DNAH3: variants seen among roughly 807,000 people sequenced by gnomAD.
DNAH3 encodes the protein axonemal beta dynein heavy chain 3.
Under a neutral mutation model 432.5 loss-of-function variants are expected in DNAH3, and 332 were observed. The ratio of observed to expected loss-of-function variants is 0.77; its 90% CI spans 0.70 to 0.84. The LOEUF (loss-of-function observed/expected upper bound fraction) is 0.84. DNAH3 is among the 40% of genes least tolerant of loss of function. The probability of loss-of-function intolerance (pLI) is 0.00; values close to 1 mark genes in which losing one functional copy is unlikely to be tolerated. For missense variants in DNAH3, 4,861 were observed against 5,114.0 expected, an observed-to-expected ratio of 0.95 and a Z score of 1.51; for synonymous variants, 1,956 against 1,900.2, an observed-to-expected ratio of 1.03 and a Z score of -0.76.
At chr16:21,144,199 G>A (rs551474255) in intron 3 of DNAH3, among the ~76,000 whole-genome samples, 16 of 152,208 alleles carry the variant, frequency 1.1e-4, no homozygotes, top group African/African-American at 3.1e-4. Flanking sequence ...CCTTTGTGGT[G>A]TAATCCTCTC....
chr16:21,132,457 C>T (rs948973583), intron 7 of DNAH3, among the ~76,000 whole-genome samples: 1 of 152,150 alleles, frequency 6.6e-6, no homozygotes, highest in Non-Finnish European at 1.5e-5. Context: ...TCTTGAAGGG[C>T]TCACTAAAAA....
chr16:20,934,690 C>T (rs903720774), intron 61 of DNAH3, among the ~76,000 whole-genome samples: 8 of 152,048 alleles, frequency 5.3e-5, no homozygotes, highest in African/African-American at 1.9e-4. Flanking sequence ...TTAATCACTT[C>T]GGATTTCTAG....
intron 56 of DNAH3, among the ~76,000 whole-genome samples, chr16:20,951,169 T>C (rs2084292282): frequency 6.6e-6 from 1 of 152,134 alleles, no homozygotes; most frequent in Non-Finnish European, 1.5e-5. Context: ...GTACATATCG[T>C]GGACTAATAA....
At position 20,988,631 on chromosome 16, in the gene DNAH3, C is replaced by G. The variant is rs570309011; in HGVS notation, c.6602-566G>C. On this transcript the variant is annotated intron_variant, in intron 44 of 61. Coordinates refer to ENST00000261383, the Ensembl canonical transcript of DNAH3. ...CAAGAATGTTTTTAAAAGATAAAGGCAATACATGATCATTGTAAAAGAGTC... is the reference window on the plus strand; with the variant it reads ...CAAGAATGTTTTTAAAAGATAAAGGGAATACATGATCATTGTAAAAGAGTC... 8.5e-5 allele frequency among the ~76,000 whole-genome samples: 13 copies of G among 152,294 alleles called. No homozygotes were observed. In the South Asian group the frequency reaches 2.7e-3, roughly 32 times the overall value.
In DNAH3 at chr16:21,037,942, G is replaced by A. The variant is rs200739265; in HGVS notation, c.4769C>T (p.Ser1590Leu). Reference sequence around the variant, plus strand: ...GTGATGCTGAGAGGACAGTTGTTCCGAGCACAGGCGGTAGGTCGCAACGAT... The same window carrying A: ...GTGATGCTGAGAGGACAGTTGTTCCAAGCACAGGCGGTAGGTCGCAACGAT... The change falls in exon 34 of 62, where the codon TCG (serine) becomes TTG (leucine). Residue 1590 changes from serine (S) to leucine (L), a missense_variant. Ser to Leu is a moderately radical substitution (Grantham distance 145, BLOSUM62 -2). Coordinates refer to ENST00000261383, the Ensembl canonical transcript of DNAH3. The A allele has an allele frequency of 1.2e-4, 190 of 1,614,028 alleles. No individual in the cohort carries two copies. The highest frequency in any genetic ancestry group is 1.5e-4 in the Non-Finnish European group (173 of 1,180,040).
At chr16:21,157,892 A>G (rs1051816010) in intron 1 of DNAH3, among the ~76,000 whole-genome samples, 1 of 140,678 alleles carries the variant, frequency 7.1e-6, no homozygotes, top group African/African-American at 2.7e-5. Flanking sequence ...ACATTTGGCA[A>G]TATTTTGAGA....
At chr16:21,069,658 G>C in intron 22 of DNAH3, 64 bp from the exon 23 acceptor site, 1 of 1,365,094 alleles carries the variant, frequency 7.3e-7, no homozygotes, top group Non-Finnish European at 1.0e-6. Context: ...GGCCCATGGA[G>C]AGAGCAAATG....
intron 1 of DNAH3, among the ~76,000 whole-genome samples, chr16:21,156,162 CTTATT>C (rs150133557): frequency 0.42 from 60,775 of 144,546 alleles, 13,224 homozygotes; most frequent in Middle Eastern, 0.49. Flanking sequence ...GGGAGTTATT[CTTATT>C]TTATTTTATT....
chr16:21,045,435 C>A (rs2152737856), intron 31 of DNAH3, among the ~76,000 whole-genome samples: 2 of 149,816 alleles, frequency 1.3e-5, no homozygotes, highest in African/African-American at 4.9e-5. Context: ...TTATCCATTT[C>A]TTCTAGATTT....
intron 51 of DNAH3, among the ~76,000 whole-genome samples, chr16:20,970,932 A>C (rs1354647447): frequency 7.2e-6 from 1 of 139,478 alleles, no homozygotes; most frequent in Admixed American, 8.0e-5. Flanking sequence ...CAGCGGTGCT[A>C]TCTCGGCTCA....
At position 21,016,112 on chromosome 16, in the gene DNAH3, A is replaced by G. The variant is rs116693604; in HGVS notation, c.6022+3512T>C. On this transcript the variant is annotated intron_variant, in intron 41 of 61. Transcript: ENST00000261383. ...CCGAGATATGATTTTCATATTTCAA[A>G]TTGCTTGAGATTTTGAAAAGGCAAT... Among the ~76,000 whole-genome samples, 331 of 152,278 alleles carry G rather than the reference A, an allele frequency of 2.2e-3. 1 individual carries two copies. The highest frequency in any genetic ancestry group is 7.6e-3 in the African/African-American group (314 of 41,576).
Position 20,933,190 on chromosome 16 carries a change from G to A in DNAH3, c.12315C>T (p.Asn4105=), listed in dbSNP as rs2083469823. ...GCTGGCACAGTGAGGCCACCCCTCG[G>A]TTTATCCAGTGCTTCTGGGGCATGT... Residue 4105 remains asparagine, a synonymous_variant, in exon 62 of 62, where the codon AAC becomes AAT. Coordinates refer to ENST00000261383, the Ensembl canonical transcript of DNAH3. The A allele has an allele frequency of 3.1e-6, 5 of 1,614,082 alleles. 1 individual carries two copies. The Admixed American group carries it at 8.3e-5, about 27-fold the overall frequency.
intron 44 of DNAH3, among the ~76,000 whole-genome samples, chr16:20,994,900 G>A (rs962333168): frequency 1.3e-4 from 19 of 151,198 alleles, no homozygotes; most frequent in East Asian, 5.8e-4. Flanking sequence ...ATTATTTGCC[G>A]TGTTTATTCT....
At position 21,141,384 on chromosome 16, in the gene DNAH3, G is replaced by A; in HGVS notation, c.449-12C>T. The A allele has an allele frequency of 6.3e-7, 1 of 1,577,948 alleles. No homozygotes were observed. The highest frequency in any genetic ancestry group is 8.6e-7 in the Non-Finnish European group (1 of 1,157,536). On this transcript the variant is annotated splice_polypyrimidine_tract_variant and intron_variant, in intron 3 of 61. Transcript: ENST00000261383. Reference sequence around the variant, plus strand: ...TGAGCTTCTATTTCCTGGAAGAATGGAGAAGAAAGACATCAGTGATGGGCA... The same window carrying A: ...TGAGCTTCTATTTCCTGGAAGAATGAAGAAGAAAGACATCAGTGATGGGCA...
exon 38 of DNAH3, chr16:21,027,047 G>C: frequency 6.2e-7 from 1 of 1,613,546 alleles, no homozygotes; most frequent in Non-Finnish European, 8.5e-7. Flanking sequence ...TGGCTGGAGA[G>C]GCTTGCTCGA....
At chr16:21,099,882 C>T (rs2091791516) in intron 16 of DNAH3, among the ~76,000 whole-genome samples, 1 of 152,074 alleles carries the variant, frequency 6.6e-6, no homozygotes, top group Admixed American at 6.5e-5. Flanking sequence ...TCCTTAATTC[C>T]TTTTAGTGTC....
At chr16:21,041,098 TG>T (rs2089421301) in intron 32 of DNAH3, among the ~76,000 whole-genome samples, 1 of 152,064 alleles carries the variant, frequency 6.6e-6, no homozygotes, top group Non-Finnish European at 1.5e-5. Flanking sequence ...TGGCTGGGAC[TG>T]GTGGCTCACA....
intron 52 of DNAH3, among the ~76,000 whole-genome samples, chr16:20,969,138 C>T (rs146149248): frequency 6.7e-6 from 1 of 149,472 alleles, no homozygotes; most frequent in Non-Finnish European, 1.5e-5. Context: ...GTCTCTTTCT[C>T]CCGATTTCCT....
At chr16:21,152,847 G>C (rs923970279) in intron 1 of DNAH3, among the ~76,000 whole-genome samples, 3 of 152,244 alleles carry the variant, frequency 2.0e-5, no homozygotes, top group Non-Finnish European at 2.9e-5. Context: ...GGCAGGGCTC[G>C]GGACTTGCAG....
Sources: allele counts gnomAD v4.1 joint callset (sites outside exome capture counted in the v4.1 genomes callset), GRCh38; gene constraint gnomAD v4.1.1; transcripts MANE v1.5; gene names NCBI Gene and HGNC (gene_info 2026-07-23, HGNC 2026-07-21).